Variants in ARHGEF25 observed in about 807,000 individuals in gnomAD.
ARHGEF25 encodes the protein RAC/CDC42 exchange factor.
In ARHGEF25, 42 loss-of-function variants were observed where a neutral mutation model predicts 74.0. The ratio of observed to expected loss-of-function variants is 0.57; its 90% CI spans 0.44 to 0.73. The LOEUF is 0.73. Ranked by LOEUF, ARHGEF25 falls within the 30% of genes least tolerant of loss-of-function variation. ARHGEF25 has a pLI of 0.00. For synonymous variants in ARHGEF25, 293 were observed against 278.6 expected, an observed-to-expected ratio of 1.05 and a Z score of -0.51; for missense variants, 645 against 725.5, an observed-to-expected ratio of 0.89 and a Z score of 1.27.
chr12:57,611,017 T>C (rs568882277), upstream of ARHGEF25, among the ~76,000 whole-genome samples: 32 of 152,216 alleles, frequency 2.1e-4, 1 homozygote, highest in Non-Finnish European at 3.4e-4. This position sits in a 1 kb window ranked among gnomAD's most constrained non-coding sequence, Gnocchi z 4.5. Context: ...GCATCTGGGT[T>C]GTGTTCACCC....
In ARHGEF25 at chr12:57,613,147, G is replaced by A. The variant is rs750263568; in HGVS notation, c.312+3G>A. On this transcript the variant is annotated splice_donor_region_variant and intron_variant, in intron 2 of 14. Coordinates refer to ENST00000286494, the MANE Select transcript of ARHGEF25 (RefSeq NM_182947.4). ...GTGGTCAGGCAGGACCATATGAGGT[G>A]AGCAGGGAACGGCACCAAAGCATGT... 13 of 1,611,870 alleles carry A rather than the reference G, an allele frequency of 8.1e-6. No homozygotes were observed. In the East Asian group the frequency reaches 2.9e-4, roughly 36 times the overall value.
At chr12:57,615,452 G>A (rs1884240555) in intron 11 of ARHGEF25, 60 bp from the exon 12 acceptor site, 13 of 1,607,140 alleles carry the variant, frequency 8.1e-6, no homozygotes, top group Admixed American at 1.7e-5. Flanking sequence ...AGGAAGGGAG[G>A]AGCAGAGAAT....
chr12:57,612,782 TG>T (rs1402494085), intron 1 of ARHGEF25, 147 bp from the exon 2 acceptor site: 1 of 1,489,354 alleles, frequency 6.7e-7, no homozygotes, highest in East Asian at 2.3e-5. Context: ...TTTTCTATCC[TG>T]GCCAACTCAA....
In ARHGEF25 at chr12:57,616,851, C is replaced by A. The variant is rs1338154582; in HGVS notation, c.1700C>A (p.Pro567His). ...PPVSPTPKTP[P>H]CQARLAKLDE... ...GTCTCTCCAACTCCAAAAACCCCTC[C>A]CTGCCAAGCCAGACTTGCCAAGCTG... The change falls in exon 15 of 15, where the codon CCC becomes CAC. Residue 567 changes from proline (P) to histidine (H), a missense_variant. Pro to His is a moderately conservative substitution (Grantham distance 77, BLOSUM62 -2). Transcript: ENST00000286494. The A allele has an allele frequency of 4.3e-6, 7 of 1,613,998 alleles. No individual in the cohort carries two copies. The highest frequency in any genetic ancestry group is 5.9e-6 in the Non-Finnish European group (7 of 1,179,980).
Position 57,616,108 on chromosome 12 carries a change from G to A in ARHGEF25, c.1420+91G>A, listed in dbSNP as rs1884275737. 2.0e-6 allele frequency: 3 copies of A among 1,511,304 alleles called. No individual in the cohort carries two copies. The African/African-American group carries it at 4.2e-5, about 21-fold the overall frequency. 93.6% of individuals were successfully genotyped at this position (1,511,304 alleles called of 1,614,324 possible). A position where few individuals can be genotyped will look rare whatever the true frequency, so the allele number is the denominator to read the frequency against. ...GCCCAGTCTCCAGTACCTACCCTCT[G>A]ACCATGGCCCATCCCCTTTTCCACT... On this transcript the variant is annotated intron_variant, in intron 13 of 14. Transcript: ENST00000286494.
chr12:57,616,618 C>T (rs764693698), intron 14 of ARHGEF25, 123 bp downstream of exon 14: 10 of 1,026,508 alleles, frequency 9.7e-6, no homozygotes, highest in Non-Finnish European at 1.5e-5. Flanking sequence ...ACTTCCCATC[C>T]CTTACGCTTC....
Position 57,611,556 on chromosome 12 carries a change from C to T in ARHGEF25, c.-339C>T. ...CAGAGGCCGGAGACAGCTGGAGCGGCTGCCGCATCCCGGCCCAGCCTCCCC... is the reference window on the plus strand; with the variant it reads ...CAGAGGCCGGAGACAGCTGGAGCGGTTGCCGCATCCCGGCCCAGCCTCCCC... On this transcript the variant is annotated 5_prime_UTR_variant, in exon 1 of 15. Coordinates refer to ENST00000286494, the MANE Select transcript of ARHGEF25 (RefSeq NM_182947.4). This position sits in a 1 kb window ranked among gnomAD's most constrained non-coding sequence, Gnocchi z 4.5. The T allele has an allele frequency of 1.0e-6, 1 of 994,744 alleles. No homozygotes were observed. Among genetic ancestry groups the T allele is most frequent in the Non-Finnish European group, 1.2e-6 (1 of 836,168 alleles). 61.6% of individuals were successfully genotyped at this position (994,744 alleles called of 1,614,324 possible).
Position 57,614,122 on chromosome 12 carries a change from G to A in ARHGEF25, c.656+3G>A. The A allele has an allele frequency of 6.2e-7, 1 of 1,613,968 alleles. No homozygotes were observed. Among genetic ancestry groups the A allele is most frequent in the Non-Finnish European group, 8.5e-7 (1 of 1,179,880 alleles). On this transcript the variant is annotated splice_donor_region_variant and intron_variant, in intron 6 of 14. Coordinates refer to ENST00000286494, the MANE Select transcript of ARHGEF25 (RefSeq NM_182947.4). This position sits in a 1 kb window ranked among gnomAD's most constrained non-coding sequence, Gnocchi z 4.6. ...CAAATCTATGAGTGGCACCGAGAGT[G>A]AGTGGTGGAACTCTGACAGCTAGGT...
At chr12:57,610,143 G>A, upstream of ARHGEF25, 1 of 782,988 alleles carries the variant, frequency 1.3e-6, no homozygotes, top group Non-Finnish European at 2.0e-6. Flanking sequence ...CTCCCCGGAC[G>A]CGCGCAGGCC....
chr12:57,616,131 A>G, intron 13 of ARHGEF25, 114 bp downstream of exon 13: 1 of 1,473,750 alleles, frequency 6.8e-7, no homozygotes, highest in Non-Finnish European at 9.1e-7. Flanking sequence ...CCCCTTTTCC[A>G]CTGCTAGCTC....
At chr12:57,611,345 C>T (rs928680552), upstream of ARHGEF25, 15 of 756,742 alleles carry the variant, frequency 2.0e-5, no homozygotes, top group Non-Finnish European at 2.4e-5. The surrounding 1 kb of genome is among the most constrained non-coding windows in gnomAD (Gnocchi z 4.5). Context: ...GGGCGGGAAC[C>T]CGGCGCAGGC....
chr12:57,616,241 T>C (rs1475862183), intron 13 of ARHGEF25, 43 bp from the exon 14 acceptor site: 7 of 1,572,214 alleles, frequency 4.5e-6, no homozygotes. Context: ...GGAGCAGACC[T>C]GTCTCTGCGG....
At position 57,614,794 on chromosome 12, in the gene ARHGEF25, T is replaced by C; in HGVS notation, c.909+13T>C. 6.3e-7 allele frequency: 1 copy of C among 1,599,116 alleles called. No individual in the cohort carries two copies. The highest frequency in any genetic ancestry group is 8.5e-7 in the Non-Finnish European group (1 of 1,172,288). On this transcript the variant is annotated intron_variant, in intron 9 of 14. Transcript: ENST00000286494. The surrounding 1 kb of genome is among the most constrained non-coding windows in gnomAD (Gnocchi z 4.6). Reference sequence around the variant, plus strand: ...GCTGCTGCTCAAGGTCAGGACCCCCTTTTTCCTGGGGGCACAGCTGGCTGG... The same window carrying C: ...GCTGCTGCTCAAGGTCAGGACCCCCCTTTTCCTGGGGGCACAGCTGGCTGG...
Position 57,615,937 on chromosome 12 carries a change from A to T in ARHGEF25, c.1340A>T (p.Gln447Leu), listed in dbSNP as rs780420723. Residue 447 changes from glutamine (Q) to leucine (L), a missense_variant, in exon 13 of 15, where the codon CAG becomes CTG. By Grantham distance (113) the Gln-to-Leu change is moderately radical. Around this residue, in one of 3 missense-constraint regions of ARHGEF25, gnomAD observed 262 missense variants for 256.9 expected, o/e 1.02. Transcript: ENST00000286494. ...PEGGIQRYVL[Q>L]AADPAISQAW... ...GGTGGGATCCAGCGCTATGTCCTGC[A>T]GGCTGCAGACCCTGCTATCAGTCAG... The T allele has an allele frequency of 6.2e-7, 1 of 1,614,198 alleles. No homozygotes were observed. The highest frequency in any genetic ancestry group is 1.3e-5 in the African/African-American group (1 of 75,058).
At chr12:57,615,467 CTT>C (rs1884241347) in intron 11 of ARHGEF25, 43 bp from the exon 12 acceptor site, 1 of 1,611,970 alleles carries the variant, frequency 6.2e-7, no homozygotes, top group Non-Finnish European at 8.5e-7. Context: ...GAGAATTGTC[CTT>C]TTTCTTGTTC....
chr12:57,616,354 T>A lies in ARHGEF25; in HGVS notation c.1491T>A (p.Pro497=). ...QTNSLGRPRG[P]GVGSPGRIQL... is the part of the protein sequence containing the mutation. ...ACAGCCTGGGGCGGCCAAGAGGGCC[T>A]GGAGTGGGGAGCCCTGGAAGAATTC... Residue 497 remains proline (P), a synonymous_variant, in exon 14 of 15, where the codon CCT becomes CCA. Coordinates refer to ENST00000286494, the MANE Select transcript of ARHGEF25 (RefSeq NM_182947.4). 6.2e-7 allele frequency: 1 copy of A among 1,614,046 alleles called. No individual in the cohort carries two copies. The highest frequency in any genetic ancestry group is 1.1e-5 in the South Asian group (1 of 91,080).
chr12:57,613,658 C>T (rs777409801), intron 4 of ARHGEF25, 36 bp from the exon 5 acceptor site: 12 of 1,612,646 alleles, frequency 7.4e-6, no homozygotes, highest in East Asian at 2.2e-5. Context: ...TGAGCTCCGA[C>T]GCTGAAGTGG....
chr12:57,611,902 G>A lies in ARHGEF25; in HGVS notation c.8G>A (p.Gly3Glu), dbSNP rs751372589. Residue 3 changes from glycine to glutamate, a missense_variant, in exon 1 of 15, where the codon GGG (glycine) becomes GAG (glutamate). Coordinates refer to ENST00000286494, the MANE Select transcript of ARHGEF25 (RefSeq NM_182947.4). This position sits in a 1 kb window ranked among gnomAD's most constrained non-coding sequence, Gnocchi z 4.5. MR[G>E]GHKGGRCACP... ...CGGGGGGGCCCGGGCGCCATGCGGG[G>A]GGGGCACAAAGGGGGTCGCTGTGCC... 2.4e-6 allele frequency: 3 copies of A among 1,262,354 alleles called. No individual in the cohort carries two copies. Among genetic ancestry groups the A allele is most frequent in the Middle Eastern group, 2.2e-4 (1 of 4,566 alleles). 78.2% of individuals were successfully genotyped at this position (1,262,354 alleles called of 1,614,324 possible). A position where few individuals can be genotyped will look rare whatever the true frequency, so the allele number is the denominator to read the frequency against.
chr12:57,615,295 G>A lies in ARHGEF25; in HGVS notation c.1019G>A (p.Gly340Glu). 1.2e-6 allele frequency: 2 copies of A among 1,609,152 alleles called. No homozygotes were observed. Among genetic ancestry groups the A allele is most frequent in the Non-Finnish European group, 1.7e-6 (2 of 1,177,780 alleles). The stretch of plus-strand genomic sequence containing the variant: ...CGCTGCAACGATATGATGACGCTGG[G>A]GAGATTGCGGGGATTTGAGGTACGG... Reference protein sequence around the residue: ...PKRCNDMMTLGRLRGFEGKLT... With the variant: ...PKRCNDMMTLERLRGFEGKLT... The change falls in exon 11 of 15, where the codon GGG becomes GAG. Residue 340 changes from glycine (G) to glutamate (E), a missense_variant. This residue lies in a region of ARHGEF25 where 194 missense variants were observed against 269.4 expected (regional missense o/e 0.72). Transcript: ENST00000286494.
Sources: gnomAD v4.1 joint callset for allele counts (sites outside exome capture counted in the v4.1 genomes callset) on GRCh38, gnomAD v4.1.1 for gene constraint, gnomAD v4.1.1 regional missense constraint, Gnocchi (gnomAD v3.1) non-coding constraint, MANE v1.5 for transcripts, NCBI Gene and HGNC (gene_info 2026-07-23, HGNC 2026-07-21) for gene names.